ERI1: variants seen among roughly 807,000 people sequenced by gnomAD.
ERI1 encodes exoribonuclease 1, also known as 3'-5' exoribonuclease 1.
A neutral mutation model predicts 39.7 loss-of-function variants in ERI1; 39 were observed. The observed-to-expected ratio is 0.98, with a 90% confidence interval of 0.76 to 1.28. The LOEUF (loss-of-function observed/expected upper bound fraction) is 1.28. Ranked by LOEUF, ERI1 falls within the 50% of genes most tolerant of loss-of-function variation. The pLI is 0.00. For missense variants in ERI1, 581 were observed against 416.9 expected (o/e 1.39, Z -3.43); for synonymous variants, 204 against 149.6 (o/e 1.36, Z -2.65).
chr8:9,037,857 C>T (rs1797900898), downstream of ERI1, among the ~76,000 whole-genome samples: 1 of 148,520 alleles, frequency 6.7e-6, no homozygotes, highest in African/African-American at 2.5e-5. Flanking sequence ...GTTAAGCTGT[C>T]CTTCCTAGTA....
chr8:9,083,600 A>G (rs1329032446), intron 3 of ERI1, among the ~76,000 whole-genome samples: 1 of 151,588 alleles, frequency 6.6e-6, no homozygotes, highest in Non-Finnish European at 1.5e-5. Context: ...ACATATACTA[A>G]AATTGAAATG....
chr8:9,038,588 T>G (rs1377690856), intron 3 of ERI1, among the ~76,000 whole-genome samples: 1 of 149,700 alleles, frequency 6.7e-6, no homozygotes, highest in East Asian at 1.9e-4. Flanking sequence ...GAAACCCTGT[T>G]TCTACAAAAA....
In ERI1 at chr8:9,015,708, C is replaced by T. The variant is rs560251947; in HGVS notation, c.499-614C>T. ...GTGCACTCCAGCCTGGGAGACAGAG[C>T]GAGACTCTGTCTCCAAAAAAAAAAA... On this transcript the variant is annotated intron_variant, in intron 3 of 6. Coordinates refer to ENST00000250263, the MANE Select transcript of ERI1 (RefSeq NM_153332.4). 3.0e-4 allele frequency among the ~76,000 whole-genome samples: 32 copies of T among 106,372 alleles called. No homozygotes were observed. The South Asian group carries it at 6.5e-3, about 22-fold the overall frequency. The allele number at this position is 106,372 out of a possible 152,430, so 69.8% of individuals were successfully genotyped here.
At chr8:9,040,676 C>G (rs1797987542) in intron 3 of ERI1, among the ~76,000 whole-genome samples, 1 of 149,876 alleles carries the variant, frequency 6.7e-6, no homozygotes, top group African/African-American at 2.5e-5. Context: ...TTGAAAATTT[C>G]TGTTATTTTT....
intron 3 of ERI1, among the ~76,000 whole-genome samples, chr8:9,057,355 A>G (rs1379763276): frequency 6.6e-6 from 1 of 152,066 alleles, no homozygotes; most frequent in Non-Finnish European, 1.5e-5. Flanking sequence ...GCTTTGCCCA[A>G]CTCTGGGCTG....
At chr8:9,089,220 T>C (rs1254006241) in intron 3 of ERI1, among the ~76,000 whole-genome samples, 1 of 152,218 alleles carries the variant, frequency 6.6e-6, no homozygotes, top group East Asian at 1.9e-4. Context: ...AAGGGAAAGA[T>C]GATTCTGGCA....
chr8:9,025,172 G>T (rs1187482720), intron 6 of ERI1, among the ~76,000 whole-genome samples: 1 of 152,162 alleles, frequency 6.6e-6, no homozygotes, highest in Non-Finnish European at 1.5e-5. Flanking sequence ...TCATATGCTG[G>T]TGTTGAAAGG....
At chr8:9,082,969 A>G (rs1210536519) in intron 3 of ERI1, among the ~76,000 whole-genome samples, 2 of 152,254 alleles carry the variant, frequency 1.3e-5, no homozygotes, top group Admixed American at 1.3e-4. Context: ...CTTAGTGTGA[A>G]CTTCAGGTAA....
At chr8:9,088,666 G>C (rs1319896665) in intron 3 of ERI1, 1 of 152,250 alleles carries the variant, frequency 6.6e-6, no homozygotes, top group Non-Finnish European at 1.5e-5. Context: ...AGTGCAAGTT[G>C]TGGGCTCAGC....
At chr8:9,069,000 T>C (rs765442570) in intron 3 of ERI1, among the ~76,000 whole-genome samples, 5 of 152,074 alleles carry the variant, frequency 3.3e-5, no homozygotes, top group African/African-American at 7.2e-5. Context: ...TTATTTTTTA[T>C]AGAGATGAGG....
At chr8:9,009,626 G>A (rs1250593970) in intron 2 of ERI1, among the ~76,000 whole-genome samples, 2 of 150,488 alleles carry the variant, frequency 1.3e-5, no homozygotes, top group Admixed American at 6.6e-5. Flanking sequence ...TGCAACCTCC[G>A]ACTCCTGGAT....
At chr8:9,047,586 C>G (rs1798213991) in intron 3 of ERI1, among the ~76,000 whole-genome samples, 1 of 152,058 alleles carries the variant, frequency 6.6e-6, no homozygotes, top group Admixed American at 6.5e-5. Flanking sequence ...GCAGTCCCAG[C>G]TACTCAGGAG....
chr8:9,041,547 C>A (rs983270334), intron 3 of ERI1, among the ~76,000 whole-genome samples: 1 of 152,154 alleles, frequency 6.6e-6, no homozygotes, highest in African/African-American at 2.4e-5. Flanking sequence ...CAAAACTAAA[C>A]AAACACGTGC....
chr8:9,093,023 G>A (rs1416594774), intron 3 of ERI1, among the ~76,000 whole-genome samples: 3 of 152,168 alleles, frequency 2.0e-5, no homozygotes, highest in South Asian at 2.1e-4. Context: ...TGCTTTCCCC[G>A]TGTGAGTATG....
chr8:9,077,483 C>G (rs1175456566), intron 3 of ERI1, among the ~76,000 whole-genome samples: 1 of 146,538 alleles, frequency 6.8e-6, no homozygotes, highest in Non-Finnish European at 1.5e-5. Context: ...GGAGGACCAG[C>G]TGACTGACGC....
chr8:9,076,339 C>T (rs934668087), intron 3 of ERI1, among the ~76,000 whole-genome samples: 1 of 152,194 alleles, frequency 6.6e-6, no homozygotes, highest in African/African-American at 2.4e-5. Context: ...GTATAAATTA[C>T]AGGACTGGCA....
At chr8:9,023,250 C>T (rs1036091764) in intron 6 of ERI1, among the ~76,000 whole-genome samples, 1 of 151,668 alleles carries the variant, frequency 6.6e-6, no homozygotes, top group Admixed American at 6.6e-5. Context: ...TTGTGTTTCC[C>T]CTTATCTGGA....
chr8:9,032,555 G>A lies in ERI1; in HGVS notation c.*2521G>A, dbSNP rs764492150. 6.6e-6 allele frequency: 1 copy of A among 152,132 alleles called. No homozygotes were observed. The highest frequency in any genetic ancestry group is 1.5e-5 in the Non-Finnish European group (1 of 68,024). 9.4% of individuals were successfully genotyped at this position (152,132 alleles called of 1,614,324 possible). ...CATTTATCCTGCCTCCTAGGGAGAAGTTTCTGCCTGGATTGAAACAAAAAA... is the reference window on the plus strand; with the variant it reads ...CATTTATCCTGCCTCCTAGGGAGAAATTTCTGCCTGGATTGAAACAAAAAA... On this transcript the variant is annotated 3_prime_UTR_variant, in exon 7 of 7. Coordinates refer to ENST00000250263, the MANE Select transcript of ERI1 (RefSeq NM_153332.4).
intron 3 of ERI1, among the ~76,000 whole-genome samples, chr8:9,039,124 C>CT (rs1203941197): frequency 6.6e-6 from 1 of 152,146 alleles, no homozygotes; most frequent in East Asian, 1.9e-4. Flanking sequence ...TTTACCAAGA[C>CT]TATCAAATAA....
Sources: allele counts gnomAD v4.1 joint callset (sites outside exome capture counted in the v4.1 genomes callset), GRCh38; gene constraint gnomAD v4.1.1; transcripts MANE v1.5; gene names NCBI Gene and HGNC (gene_info 2026-07-23, HGNC 2026-07-21).